DTNBP1: variants seen among roughly 807,000 people sequenced by gnomAD.
The protein encoded by DTNBP1 is dysbindin.
In DTNBP1, 35 loss-of-function variants were observed where a neutral mutation model predicts 42.8. The observed-to-expected ratio is 0.82, with a 90% confidence interval of 0.63 to 1.09. The LOEUF (loss-of-function observed/expected upper bound fraction) is 1.09. DTNBP1 is among the 50% of genes least tolerant of loss of function. DTNBP1 has a pLI of 0.00. For missense variants in DTNBP1, 457 were observed against 424.2 expected (o/e 1.08, Z -0.68); for synonymous variants, 171 against 162.2 (o/e 1.05, Z -0.41).
At chr6:15,578,532 G>C (rs1775680654) in intron 7 of DTNBP1, among the ~76,000 whole-genome samples, 1 of 152,178 alleles carries the variant, frequency 6.6e-6, no homozygotes. Context: ...TCCAGCAACA[G>C]AGGGAGAGAA....
At chr6:15,614,884 C>T (rs1006112538) in intron 6 of DTNBP1, among the ~76,000 whole-genome samples, 1 of 152,304 alleles carries the variant, frequency 6.6e-6, no homozygotes, top group East Asian at 1.9e-4. Flanking sequence ...CAGCCCCTTT[C>T]CACAGCCTGA....
At chr6:15,618,804 A>G (rs949482232) in intron 5 of DTNBP1, among the ~76,000 whole-genome samples, 3 of 152,210 alleles carry the variant, frequency 2.0e-5, no homozygotes, top group African/African-American at 7.2e-5. Context: ...TATACACAAT[A>G]GCCGAGATAT....
chr6:15,546,368 C>A (rs1773884562), intron 7 of DTNBP1, among the ~76,000 whole-genome samples: 1 of 151,886 alleles, frequency 6.6e-6, no homozygotes, highest in African/African-American at 2.4e-5. Flanking sequence ...CCTGGCCCCA[C>A]CTCCAGTTCT....
At chr6:15,662,257 A>G (rs370628932) in intron 1 of DTNBP1, among the ~76,000 whole-genome samples, 158 of 152,334 alleles carry the variant, frequency 1.0e-3, no homozygotes, top group African/African-American at 3.7e-3. Flanking sequence ...AAAGGACGCA[A>G]CGGGGAGGGG....
intron 5 of DTNBP1, among the ~76,000 whole-genome samples, chr6:15,616,355 G>A (rs1041076647): frequency 3.3e-5 from 5 of 152,202 alleles, no homozygotes; most frequent in Admixed American, 6.5e-5. Flanking sequence ...GCCAGTCACT[G>A]TGATACAAAG....
chr6:15,552,532 A>G (rs1774273467), intron 7 of DTNBP1, among the ~76,000 whole-genome samples: 1 of 152,224 alleles, frequency 6.6e-6, no homozygotes, highest in South Asian at 2.1e-4. Flanking sequence ...TCATTCCTGT[A>G]ATCCCAGCAC....
At chr6:15,570,800 T>C (rs1775307137) in intron 7 of DTNBP1, among the ~76,000 whole-genome samples, 1 of 152,176 alleles carries the variant, frequency 6.6e-6, no homozygotes, top group African/African-American at 2.4e-5. Flanking sequence ...AAATAATATT[T>C]GAATAATATT....
chr6:15,652,337 G>C (rs1045662847), intron 1 of DTNBP1, among the ~76,000 whole-genome samples, 197 bp from the exon 2 acceptor site: 1 of 151,764 alleles, frequency 6.6e-6, no homozygotes, highest in African/African-American at 2.4e-5. Context: ...CCGCCACCAC[G>C]CCTGGGTAAT....
chr6:15,557,912 G>A (rs1774618375), intron 7 of DTNBP1, among the ~76,000 whole-genome samples: 1 of 151,844 alleles, frequency 6.6e-6, no homozygotes. Flanking sequence ...TAATCTTTTA[G>A]ATATCAGTCC....
intron 6 of DTNBP1, among the ~76,000 whole-genome samples, chr6:15,613,886 G>A (rs1374365266): frequency 2.0e-5 from 3 of 152,060 alleles, no homozygotes; most frequent in Non-Finnish European, 4.4e-5. Flanking sequence ...ATGGTCCACA[G>A]GCCACCCATA....
At chr6:15,579,662 G>A (rs997606074) in intron 7 of DTNBP1, among the ~76,000 whole-genome samples, 11 of 152,088 alleles carry the variant, frequency 7.2e-5, no homozygotes, top group African/African-American at 2.7e-4. Context: ...AAAATTAGCT[G>A]GGCATGGTGG....
chr6:15,533,488 A>G, intron 7 of DTNBP1, 93 bp from the exon 8 acceptor site: 1 of 1,599,678 alleles, frequency 6.3e-7, no homozygotes, highest in Non-Finnish European at 8.6e-7. Context: ...CTCCAAGTGG[A>G]TGGAGTCATG....
At chr6:15,608,257 T>C (rs1758188030) in intron 6 of DTNBP1, among the ~76,000 whole-genome samples, 1 of 146,770 alleles carries the variant, frequency 6.8e-6, no homozygotes, top group Non-Finnish European at 1.5e-5. Flanking sequence ...TACCTTGTTG[T>C]TGTTTGCTTG....
At chr6:15,527,291 C>G (rs978419295) in intron 8 of DTNBP1, among the ~76,000 whole-genome samples, 10 of 152,110 alleles carry the variant, frequency 6.6e-5, no homozygotes, top group Non-Finnish European at 1.3e-4. Context: ...TGTCACTATA[C>G]CTATTTGATG....
At chr6:15,661,595 G>C (rs1465304382) in intron 1 of DTNBP1, among the ~76,000 whole-genome samples, 1 of 130,836 alleles carries the variant, frequency 7.6e-6, no homozygotes, top group African/African-American at 2.9e-5. Context: ...GCAGTGAGCC[G>C]AGATCACGCC....
intron 6 of DTNBP1, chr6:15,595,065 C>G: frequency 2.2e-6 from 1 of 455,554 alleles, no homozygotes; most frequent in Non-Finnish European, 4.4e-6. Context: ...GAGGACAAGC[C>G]CAGCATCTTC....
intron 7 of DTNBP1, among the ~76,000 whole-genome samples, chr6:15,557,246 A>ATTTTT (rs34529397): frequency 7.4e-6 from 1 of 135,078 alleles, no homozygotes; most frequent in Non-Finnish European, 1.6e-5. Context: ...GGGGGTGGGA[A>ATTTTT]TTTTTTTTTT....
chr6:15,600,442 T>G (rs1776684712), intron 6 of DTNBP1, among the ~76,000 whole-genome samples: 1 of 152,136 alleles, frequency 6.6e-6, no homozygotes, highest in Non-Finnish European at 1.5e-5. Context: ...ACATATTAAG[T>G]GTTCAATAAA....
At chr6:15,585,571 T>C in intron 7 of DTNBP1, 3 of 844,870 alleles carry the variant, frequency 3.6e-6, no homozygotes, top group Non-Finnish European at 3.3e-6. Context: ...GTACTACTTG[T>C]AGGTTCAAGT....
Sources: gnomAD v4.1 joint callset for allele counts (sites outside exome capture counted in the v4.1 genomes callset) on GRCh38, gnomAD v4.1.1 for gene constraint, MANE v1.5 for transcripts, NCBI Gene and HGNC (gene_info 2026-07-23, HGNC 2026-07-21) for gene names.